The following ANO1 variants were observed in gnomAD, a reference collection of about 807,000 sequenced individuals.
ANO1 encodes the protein anoctamin 1.
A neutral mutation model predicts 124.0 loss-of-function variants in ANO1; 59 were observed. That is an observed-to-expected ratio of 0.48 (90% CI 0.39 to 0.59). The LOEUF (loss-of-function observed/expected upper bound fraction) is 0.59, where lower values mean the gene tolerates loss of function less well. Among genes scored for constraint, ANO1 ranks in the 20% least tolerant of loss-of-function variants. The pLI is 0.00. For synonymous variants in ANO1, 529 were observed against 532.0 expected, an observed-to-expected ratio of 0.99 and a Z score of 0.08; for missense variants, 1,059 against 1,328.0, an observed-to-expected ratio of 0.80 and a Z score of 3.15.
intron 8 of ANO1, among the ~76,000 whole-genome samples, chr11:70,117,690 T>C (rs2509144): frequency 0.98 from 148,640 of 152,282 alleles, 72,653 homozygotes; most frequent in East Asian, 1. Context: ...GCCCTTGCCC[T>C]ATCTGCTGGT....
intron 1 of ANO1, chr11:70,018,247 C>G (rs1555002238): frequency 6.6e-6 from 1 of 152,378 alleles, no homozygotes; most frequent in African/African-American, 2.4e-5. Flanking sequence ...GTCCCAGCTA[C>G]TCAGGAGGCT....
At position 70,103,939 on chromosome 11, in the gene ANO1, T is replaced by C. The variant is rs1365384986; in HGVS notation, c.541-60T>C. On this transcript the variant is annotated intron_variant, in intron 3 of 25. Transcript: ENST00000355303. The stretch of plus-strand genomic sequence containing the variant: ...GGTTCTCTGACCATCCGAGAACAGA[T>C]TCCACGGATCATGGTCCAGCAGGGT... The C allele has an allele frequency of 2.6e-6, 4 of 1,551,984 alleles. No individual in the cohort carries two copies. In the South Asian group the frequency reaches 4.9e-5, roughly 19 times the overall value.
chr11:70,057,434 T>TTGTGTGTG (rs142366013), intron 1 of ANO1, among the ~76,000 whole-genome samples: 3,880 of 149,892 alleles, frequency 0.026, 120 homozygotes, highest in East Asian at 0.11. Flanking sequence ...AACTCCAATT[T>TTGTGTGTG]TGTGTGTGTG....
At chr11:70,125,660 C>T (rs1193432852) in intron 9 of ANO1, among the ~76,000 whole-genome samples, 14 of 151,192 alleles carry the variant, frequency 9.3e-5, no homozygotes, top group East Asian at 2.0e-4. Context: ...CTGGCTAACA[C>T]GGCGAAACTC....
chr11:70,178,624 C>T (rs1271315174), intron 22 of ANO1, among the ~76,000 whole-genome samples: 3 of 151,302 alleles, frequency 2.0e-5, no homozygotes, highest in African/African-American at 4.9e-5. Context: ...AATGCAGTGG[C>T]GTGATCTCGG....
chr11:70,140,259 G>C (rs1234268425), intron 11 of ANO1, among the ~76,000 whole-genome samples: 5 of 152,196 alleles, frequency 3.3e-5, no homozygotes, highest in Admixed American at 3.3e-4. Context: ...GCCGGGCTCA[G>C]TGACTCACAT....
intron 1 of ANO1, chr11:70,065,168 C>T (rs1321768649): frequency 6.6e-6 from 1 of 152,112 alleles, no homozygotes; most frequent in Admixed American, 6.5e-5. Context: ...AGGAGCAATC[C>T]TGTTTGGCTC....
chr11:69,973,634 G>T, the ANO1 span, among the ~76,000 whole-genome samples: 12 of 152,108 alleles, frequency 7.9e-5, no homozygotes. Flanking sequence ...CGCACTTTGG[G>T]AGGCCGAAGC....
intron 1 of ANO1, among the ~76,000 whole-genome samples, chr11:70,083,149 C>T (rs2044252391): frequency 6.6e-6 from 1 of 152,172 alleles, no homozygotes; most frequent in Non-Finnish European, 1.5e-5. Flanking sequence ...TTCCCCTGTC[C>T]TCCCCTAGTT....
Position 70,095,427 on chromosome 11 carries a change from A to AAAGAAAGAAAGAAAAG in ANO1, c.441+7345_441+7346insGAAAGAAAGAAAAGAA, listed in dbSNP as rs10667749. Among the ~76,000 whole-genome samples, 20 of 30,690 alleles carry AAAGAAAGAAAGAAAAG rather than the reference A, an allele frequency of 6.5e-4. 1 individual carries two copies. The highest frequency in any genetic ancestry group is 2.1e-3 in the African/African-American group (18 of 8,484). The allele number at this position is 30,690 out of a possible 152,430, so 20.1% of individuals were successfully genotyped here. ...GAAAGAAAGAAAGAAAGAAAGAAAG[A>AAAGAAAGAAAGAAAAG]AAAGAAAAGAAAGAAAGAGGGAAAG... On this transcript the variant is annotated intron_variant, in intron 2 of 25. Transcript: ENST00000355303.
Position 70,171,181 on chromosome 11 carries a change from C to G in ANO1, c.2350+142C>G, listed in dbSNP as rs145399298. 37 of 1,237,904 alleles carry G rather than the reference C, an allele frequency of 3.0e-5. No individual in the cohort carries two copies. In the South Asian group the frequency reaches 4.8e-4, roughly 16 times the overall value. The allele number at this position is 1,237,904 out of a possible 1,614,324, so 76.7% of individuals were successfully genotyped here. The stretch of plus-strand genomic sequence containing the variant: ...TTCACTCAGCCTTTGCCGGGTGGAG[C>G]CTGGGGGCAGGTGACACAAGATGTG... On this transcript the variant is annotated intron_variant, in intron 22 of 25. Transcript: ENST00000355303.
At chr11:70,076,117 G>A (rs782164098), upstream of ANO1, among the ~76,000 whole-genome samples, 54 of 152,200 alleles carry the variant, frequency 3.5e-4, no homozygotes, top group Admixed American at 5.2e-4. Context: ...GGGAAGGGGC[G>A]AGAGGAAACA....
intron 21 of ANO1, among the ~76,000 whole-genome samples, chr11:70,170,503 G>A (rs1043984383): frequency 6.6e-6 from 1 of 152,214 alleles, no homozygotes; most frequent in African/African-American, 2.4e-5. Flanking sequence ...GAAGTGGGAG[G>A]ATTCATTGAG....
chr11:70,165,669 C>A, intron 20 of ANO1, 99 bp downstream of exon 20: 3 of 921,808 alleles, frequency 3.3e-6, no homozygotes, highest in South Asian at 3.2e-5. Flanking sequence ...GGGGCCTCAA[C>A]CAAGATGGGG....
chr11:70,058,038 A>G (rs920105026), intron 1 of ANO1, among the ~76,000 whole-genome samples: 1 of 152,154 alleles, frequency 6.6e-6, no homozygotes, highest in South Asian at 2.1e-4. Flanking sequence ...ATTAAACTGA[A>G]GAAAGATTTT....
chr11:70,125,410 G>C (rs570165791), intron 9 of ANO1, among the ~76,000 whole-genome samples: 5 of 151,726 alleles, frequency 3.3e-5, no homozygotes, highest in Admixed American at 2.6e-4. Flanking sequence ...CAGCTACTCA[G>C]GAGGCTGAGG....
intron 11 of ANO1, among the ~76,000 whole-genome samples, chr11:70,133,616 C>T (rs904315157): frequency 1.3e-5 from 2 of 152,246 alleles, no homozygotes; most frequent in Non-Finnish European, 2.9e-5. Flanking sequence ...CCTGTCCCTA[C>T]ACAGCTCGGC....
chr11:70,032,992 G>A (rs1350148097), intron 1 of ANO1, among the ~76,000 whole-genome samples: 3 of 152,300 alleles, frequency 2.0e-5, no homozygotes, highest in South Asian at 2.1e-4. Flanking sequence ...CCAGGCACAC[G>A]GCGTGCCCGG....
At chr11:70,085,307 T>A in intron 1 of ANO1, 2 of 1,330,972 alleles carry the variant, frequency 1.5e-6, no homozygotes, top group Admixed American at 2.9e-5. Flanking sequence ...AAGCCAGCCC[T>A]CCCCCACCCT....
Sources: gnomAD v4.1 joint callset for allele counts (sites outside exome capture counted in the v4.1 genomes callset) on GRCh38, gnomAD v4.1.1 for gene constraint, MANE v1.5 for transcripts, NCBI Gene and HGNC (gene_info 2026-07-23, HGNC 2026-07-21) for gene names.